The following SLC4A5 variants were observed in gnomAD, a reference collection of about 807,000 sequenced individuals.
SLC4A5 encodes solute carrier family 4 member 5, also known as electrogenic sodium bicarbonate cotransporter 4.
A neutral mutation model predicts 120.4 loss-of-function variants in SLC4A5; 96 were observed. That is an observed-to-expected ratio of 0.80 (90% CI 0.68 to 0.94). The LOEUF is 0.94. Among genes scored for constraint, SLC4A5 ranks in the 40% least tolerant of loss-of-function variants. The pLI, the probability that SLC4A5 is intolerant of heterozygous loss-of-function variation, is 0.00. For synonymous variants in SLC4A5, 550 were observed against 571.1 expected (o/e 0.96, Z 0.53); for missense variants, 1,259 against 1,459.5 (o/e 0.86, Z 2.24).
exon 24 of SLC4A5, chr2:74,232,631 T>C (rs1393112874): frequency 1.2e-6 from 2 of 1,612,706 alleles, no homozygotes; most frequent in Non-Finnish European, 1.7e-6. Flanking sequence ...CAGGTCCAGA[T>C]GGTAGCCGGC....
At chr2:74,226,578 T>C (rs1275612062) in intron 27 of SLC4A5, among the ~76,000 whole-genome samples, 3 of 152,180 alleles carry the variant, frequency 2.0e-5, no homozygotes, top group Non-Finnish European at 2.9e-5. Context: ...TTTAGCTATC[T>C]TGAATGGTGG....
chr2:74,234,993 T>C (rs1670223956), intron 22 of SLC4A5, 108 bp downstream of exon 22: 1 of 842,134 alleles, frequency 1.2e-6, no homozygotes, highest in Non-Finnish European at 1.9e-6. Context: ...AGAACTAAAA[T>C]GGTCTCTTGG....
intron 6 of SLC4A5, among the ~76,000 whole-genome samples, chr2:74,308,800 A>C (rs1672725006): frequency 6.6e-6 from 1 of 151,924 alleles, no homozygotes; most frequent in South Asian, 2.1e-4. Flanking sequence ...ACCAGACCTA[A>C]GGTCACCTAG....
intron 7 of SLC4A5, among the ~76,000 whole-genome samples, chr2:74,300,420 T>C (rs1672445850): frequency 6.6e-6 from 1 of 152,262 alleles, no homozygotes; most frequent in African/African-American, 2.4e-5. Flanking sequence ...ACAATGTGTA[T>C]GTATATCAAA....
intron 19 of SLC4A5, among the ~76,000 whole-genome samples, chr2:74,245,596 AT>A (rs1400651251): frequency 4.6e-5 from 7 of 152,238 alleles, no homozygotes; most frequent in Non-Finnish European, 1.0e-4. Context: ...ATCACCTGTC[AT>A]TAGATTTTAG....
intron 7 of SLC4A5, among the ~76,000 whole-genome samples, chr2:74,300,618 C>T (rs907992988): frequency 2.0e-5 from 3 of 152,208 alleles, no homozygotes; most frequent in Admixed American, 6.5e-5. Context: ...CCCTCTGCCA[C>T]CACTCACCAC....
chr2:74,236,870 C>T (rs1670285572), intron 21 of SLC4A5, among the ~76,000 whole-genome samples: 1 of 152,166 alleles, frequency 6.6e-6, no homozygotes, highest in Non-Finnish European at 1.5e-5. Context: ...TTTCCATCTC[C>T]AACATCTGGT....
intron 28 of SLC4A5, 118 bp downstream of exon 28, chr2:74,224,722 A>G: frequency 7.2e-7 from 1 of 1,390,784 alleles, no homozygotes; most frequent in South Asian, 1.4e-5. Context: ...CCCATCCTGG[A>G]CTGGGCCGAG....
At chr2:74,247,372 G>A (rs897667675) in intron 18 of SLC4A5, 65 bp from the exon 19 acceptor site, 2 of 1,532,846 alleles carry the variant, frequency 1.3e-6, no homozygotes, top group East Asian at 4.6e-5. Flanking sequence ...TGACTCCTCA[G>A]ACTCATCCTT....
chr2:74,228,175 G>A (rs1291915806), intron 25 of SLC4A5, among the ~76,000 whole-genome samples: 1 of 152,234 alleles, frequency 6.6e-6, no homozygotes, highest in African/African-American at 2.4e-5. Flanking sequence ...TCTGGAAAGT[G>A]AGAAGACTCC....
At chr2:74,323,139 C>A in intron 5 of SLC4A5, among the ~76,000 whole-genome samples, 1 of 152,190 alleles carries the variant, frequency 6.6e-6, no homozygotes, top group East Asian at 1.9e-4. Context: ...ACTTGGGAGG[C>A]TGAGACACGA....
intron 7 of SLC4A5, among the ~76,000 whole-genome samples, chr2:74,297,800 T>C (rs906669858): frequency 6.6e-6 from 1 of 152,086 alleles, no homozygotes; most frequent in Admixed American, 6.5e-5. Context: ...ATATTCACAT[T>C]GGGGGAAGGT....
At chr2:74,235,206 G>A in exon 22 of SLC4A5, 1 of 1,613,698 alleles carries the variant, frequency 6.2e-7, no homozygotes, top group East Asian at 2.2e-5. Flanking sequence ...CAGCCACCAG[G>A]GCCCGGACCT....
chr2:74,311,972 T>C (rs1672818135), intron 6 of SLC4A5, among the ~76,000 whole-genome samples: 1 of 152,192 alleles, frequency 6.6e-6, no homozygotes, highest in Non-Finnish European at 1.5e-5. Flanking sequence ...CCTCATGTAT[T>C]TTGATGCTCT....
At chr2:74,241,243 CGT>C (rs1348722383) in intron 20 of SLC4A5, among the ~76,000 whole-genome samples, 1 of 123,720 alleles carries the variant, frequency 8.1e-6, no homozygotes, top group African/African-American at 3.6e-5. Context: ...CCTTTGTGTG[CGT>C]GTCATATTAT....
At position 74,253,146 on chromosome 2, in the gene SLC4A5, G is replaced by A. The variant is rs533529446; in HGVS notation, c.1114-18C>T. 4 of 1,613,600 alleles carry A rather than the reference G, an allele frequency of 2.5e-6. No individual in the cohort carries two copies. The East Asian group carries it at 8.9e-5, about 36-fold the overall frequency. On this transcript the variant is annotated intron_variant, in intron 14 of 30. Transcript: ENST00000394019. ...CTGAAGAGCTGGCGAGGAGAGAGGAGGGAGAAAAGAAAGATCGGGTCTGTT... is the reference window on the plus strand; with the variant it reads ...CTGAAGAGCTGGCGAGGAGAGAGGAAGGAGAAAAGAAAGATCGGGTCTGTT...
intron 4 of SLC4A5, among the ~76,000 whole-genome samples, chr2:74,330,749 A>G (rs1384849919): frequency 7.1e-6 from 1 of 140,104 alleles, no homozygotes; most frequent in Non-Finnish European, 1.5e-5. Context: ...AGTGAGGTCT[A>G]TATGGAGGTG....
intron 3 of SLC4A5, among the ~76,000 whole-genome samples, chr2:74,336,580 T>TATGA (rs1422785092): frequency 6.6e-6 from 1 of 152,188 alleles, no homozygotes; most frequent in African/African-American, 2.4e-5. Context: ...GAAGCACTGA[T>TATGA]ATGAACTACT....
At chr2:74,315,048 C>A in intron 5 of SLC4A5, 23 bp from the exon 6 acceptor site, 2 of 1,581,462 alleles carry the variant, frequency 1.3e-6, no homozygotes, top group Non-Finnish European at 8.7e-7. Context: ...AGGAACACAG[C>A]CTCAAAATGT....
Sources: allele counts gnomAD v4.1 joint callset (sites outside exome capture counted in the v4.1 genomes callset), GRCh38; gene constraint gnomAD v4.1.1; transcripts MANE v1.5; gene names NCBI Gene and HGNC (gene_info 2026-07-23, HGNC 2026-07-21).